The following NR3C2 variants were observed in gnomAD, a reference collection of about 807,000 sequenced individuals.
NR3C2 encodes mineralocorticoid receptor.
A neutral mutation model predicts 86.4 loss-of-function variants in NR3C2; 15 were observed. That is an observed-to-expected ratio of 0.17 (90% CI 0.12 to 0.27). NR3C2 has a LOEUF of 0.27. Ranked by LOEUF, NR3C2 falls within the 10% of genes least tolerant of loss-of-function variation. The pLI is 1.00. For missense variants in NR3C2, 960 were observed against 1,195.6 expected (o/e 0.80, Z 2.91); for synonymous variants, 458 against 450.5 (o/e 1.02, Z -0.21).
chr4:148,352,557 T>C (rs1745343220), intron 2 of NR3C2, among the ~76,000 whole-genome samples: 1 of 152,110 alleles, frequency 6.6e-6, no homozygotes, highest in South Asian at 2.1e-4. Flanking sequence ...CACTGTGTAT[T>C]TTCTCCTACT....
chr4:148,397,251 G>T (rs1747907654), intron 2 of NR3C2, among the ~76,000 whole-genome samples: 1 of 152,216 alleles, frequency 6.6e-6, no homozygotes, highest in East Asian at 1.9e-4. Context: ...CCTCACTCCT[G>T]ACACCAAGGC....
chr4:148,253,607 T>A lies in NR3C2; in HGVS notation c.1897+6371A>T, dbSNP rs372949625. The stretch of plus-strand genomic sequence containing the variant: ...GAAATCCTTATTTTTAATCTTGCCT[T>A]GTTTCCCAAGCTTCAAAATTAGATA... On this transcript the variant is annotated intron_variant, in intron 3 of 8. Coordinates refer to ENST00000358102, the MANE Select transcript of NR3C2 (RefSeq NM_000901.5). Among the ~76,000 whole-genome samples the A allele has an allele frequency of 1.1e-4, 17 of 152,314 alleles. No homozygotes were observed. The East Asian group carries it at 2.9e-3, about 26-fold the overall frequency.
chr4:148,137,894 T>G (rs987480338), intron 6 of NR3C2, among the ~76,000 whole-genome samples: 1 of 152,236 alleles, frequency 6.6e-6, no homozygotes, highest in Non-Finnish European at 1.5e-5. Context: ...TCTTCTCACT[T>G]TTTTTGAAAA....
At position 148,333,536 on chromosome 4, in the gene NR3C2, T is replaced by TAAAAAAAAAAAAAAAAA. The variant is rs372805275; in HGVS notation, c.1758-73420_1758-73419insTTTTTTTTTTTTTTTTT. On this transcript the variant is annotated intron_variant, in intron 2 of 8. Coordinates refer to ENST00000358102, the MANE Select transcript of NR3C2 (RefSeq NM_000901.5). Reference sequence around the variant, plus strand: ...TCCTGGAACTTCCAGAAAGTCTCCTTAAAATCTCCCTAGTGATTGGAGAAT... The same window carrying TAAAAAAAAAAAAAAAAA: ...TCCTGGAACTTCCAGAAAGTCTCCTTAAAAAAAAAAAAAAAAAAAAATCTCCCTAGTGATTGGAGAAT... Among the ~76,000 whole-genome samples the TAAAAAAAAAAAAAAAAA allele has an allele frequency of 1.3e-3, 198 of 151,644 alleles. 1 individual carries two copies. In the South Asian group the frequency reaches 0.015, roughly 11 times the overall value.
At chr4:148,178,932 T>TAAAAAAAAAAAAAAAAAA (rs58576220) in intron 4 of NR3C2, among the ~76,000 whole-genome samples, 4 of 95,280 alleles carry the variant, frequency 4.2e-5, no homozygotes, top group African/African-American at 1.1e-4. Flanking sequence ...AAGAAGCAGG[T>TAAAAAAAAAAAAAAAAAA]AAAAAAAAAA....
At chr4:148,382,881 G>A (rs1464679772) in intron 2 of NR3C2, among the ~76,000 whole-genome samples, 1 of 152,102 alleles carries the variant, frequency 6.6e-6, no homozygotes, top group Admixed American at 6.6e-5. Context: ...AAATAAAGCA[G>A]TAGAATGGTA....
intron 6 of NR3C2, among the ~76,000 whole-genome samples, chr4:148,148,919 T>C (rs777724979): frequency 6.6e-6 from 1 of 152,226 alleles, no homozygotes; most frequent in Non-Finnish European, 1.5e-5. Flanking sequence ...CTGGAATAAA[T>C]GCAAGATGAA....
chr4:148,358,635 TA>T (rs56746692), intron 2 of NR3C2, among the ~76,000 whole-genome samples: 147,905 of 150,798 alleles, frequency 0.98, 72,578 homozygotes, highest in Non-Finnish European at 1. Flanking sequence ...AAATAAAAAA[TA>T]AAAAAAAAAA....
intron 3 of NR3C2, among the ~76,000 whole-genome samples, chr4:148,221,450 G>A (rs1442146336): frequency 1.3e-5 from 2 of 152,088 alleles, no homozygotes; most frequent in East Asian, 1.9e-4. Flanking sequence ...GGTAAAAAAC[G>A]AAGCACTAGA....
intron 2 of NR3C2, among the ~76,000 whole-genome samples, chr4:148,271,825 T>C (rs1164816419): frequency 6.6e-6 from 1 of 152,178 alleles, no homozygotes; most frequent in Non-Finnish European, 1.5e-5. Context: ...TTGCCAGTGG[T>C]TGGAGTGGAA....
intron 2 of NR3C2, among the ~76,000 whole-genome samples, chr4:148,406,445 C>T (rs551084665): frequency 3.3e-5 from 5 of 152,108 alleles, no homozygotes; most frequent in Admixed American, 2.0e-4. Context: ...TGAGCAAGGA[C>T]GTTGTGGTGG....
intron 4 of NR3C2, among the ~76,000 whole-genome samples, chr4:148,161,949 T>C (rs547507368): frequency 6.6e-6 from 1 of 152,290 alleles, no homozygotes; most frequent in Non-Finnish European, 1.5e-5. Flanking sequence ...TCTCTCTCCA[T>C]GGGAGCGCAC....
Position 148,423,843 on chromosome 4 carries a change from G to A in NR3C2, c.1757+11261C>T, listed in dbSNP as rs923736156. Among the ~76,000 whole-genome samples the A allele has an allele frequency of 3.3e-5, 5 of 152,130 alleles. No individual in the cohort carries two copies. In the East Asian group the frequency reaches 9.6e-4, roughly 29 times the overall value. On this transcript the variant is annotated intron_variant, in intron 2 of 8. Coordinates refer to ENST00000358102, the MANE Select transcript of NR3C2 (RefSeq NM_000901.5). Reference sequence around the variant, plus strand: ...CCTGCCTCAGCCTCCCAAGTAGCTGGGATTACAGTTGCACGCCACTACGCC... The same window carrying A: ...CCTGCCTCAGCCTCCCAAGTAGCTGAGATTACAGTTGCACGCCACTACGCC...
chr4:148,221,339 A>T (rs866072978), intron 3 of NR3C2, among the ~76,000 whole-genome samples: 11 of 152,250 alleles, frequency 7.2e-5, no homozygotes, highest in Non-Finnish European at 8.8e-5. Flanking sequence ...CGTACAACTC[A>T]TAGAACAATT....
Position 148,260,068 on chromosome 4 carries a change from A to G in NR3C2, c.1807T>C (p.Cys603Arg). The G allele has an allele frequency of 6.2e-7, 1 of 1,614,098 alleles. No homozygotes were observed. The change falls in exon 3 of 9, where the codon TGT (cysteine) becomes CGT (arginine). Residue 603 changes from cysteine (C) to arginine (R), a missense_variant. This residue lies in a region of NR3C2 where 47 missense variants were observed against 107.3 expected (regional missense o/e 0.44). Transcript: ENST00000358102. ...GAAGCCTCATCCCCACACACCAAAC[A>G]TATTTTTGAAGGTCTTGAAGATCCA... ...STGSSRPSKI[C>R]LVCGDEASGC... is the part of the protein sequence containing the mutation.
chr4:148,152,331 C>G lies in NR3C2; in HGVS notation c.2510+138G>C, dbSNP rs1177012620. 5.8e-6 allele frequency: 5 copies of G among 869,432 alleles called. No homozygotes were observed. The East Asian group carries it at 1.1e-4, about 18-fold the overall frequency. The allele number at this position is 869,432 out of a possible 1,614,324, so 53.9% of individuals were successfully genotyped here. On this transcript the variant is annotated intron_variant, in intron 6 of 8. Coordinates refer to ENST00000358102, the MANE Select transcript of NR3C2 (RefSeq NM_000901.5). ...AGTAATTTTTTAAGTTCCCAGAGAT[C>G]TGTAAATTTTTAACGTTAAAAAATG... is the stretch of plus-strand genomic sequence containing the variant.
At chr4:148,104,643 G>A (rs1185462359) in intron 8 of NR3C2, among the ~76,000 whole-genome samples, 4 of 152,148 alleles carry the variant, frequency 2.6e-5, no homozygotes, top group Non-Finnish European at 5.9e-5. Context: ...GAAGCAAGTA[G>A]CCTTATTTCA....
At chr4:148,379,564 G>A (rs1340605809) in intron 2 of NR3C2, among the ~76,000 whole-genome samples, 1 of 152,128 alleles carries the variant, frequency 6.6e-6, no homozygotes, top group Admixed American at 6.6e-5. Flanking sequence ...GGGGTCTAAG[G>A]AACCATTGAT....
At chr4:148,322,289 T>C (rs937969264) in intron 2 of NR3C2, among the ~76,000 whole-genome samples, 1 of 148,472 alleles carries the variant, frequency 6.7e-6, no homozygotes, top group Non-Finnish European at 1.5e-5. Flanking sequence ...TAACCTGACC[T>C]TTCTCTCTGG....
Sources: allele counts gnomAD v4.1 joint callset (sites outside exome capture counted in the v4.1 genomes callset), GRCh38; gene constraint gnomAD v4.1.1; regional missense constraint gnomAD v4.1.1; transcripts MANE v1.5; gene names NCBI Gene and HGNC (gene_info 2026-07-23, HGNC 2026-07-21).